FANCL: variants seen among roughly 807,000 people sequenced by gnomAD.
FANCL encodes the protein FA complementation group L.
In FANCL, 69 loss-of-function variants were observed where a neutral mutation model predicts 59.4. That is an observed-to-expected ratio of 1.16 (90% confidence interval 0.96 to 1.42). FANCL has a LOEUF of 1.42. Ranked by LOEUF, FANCL falls within the 40% of genes most tolerant of loss-of-function variation. The probability of loss-of-function intolerance (pLI) is 0.00; values close to 1 mark genes in which losing one functional copy is unlikely to be tolerated. For missense variants in FANCL, 519 were observed against 447.2 expected (o/e 1.16, Z -1.45); for synonymous variants, 180 against 147.1 (o/e 1.22, Z -1.62).
intron 7 of FANCL, among the ~76,000 whole-genome samples, chr2:58,198,139 G>A (rs1689623942): frequency 6.6e-6 from 1 of 151,622 alleles, no homozygotes; most frequent in Admixed American, 6.6e-5. Flanking sequence ...GACATTAACT[G>A]TAAGGAAATA....
chr2:58,206,052 T>C (rs1262948554), intron 5 of FANCL, among the ~76,000 whole-genome samples: 1 of 152,102 alleles, frequency 6.6e-6, no homozygotes, highest in Admixed American at 6.6e-5. Flanking sequence ...ATTTGACTAC[T>C]ACAATTTAAA....
chr2:58,169,563 G>C (rs919280700), intron 7 of FANCL, among the ~76,000 whole-genome samples: 2 of 152,056 alleles, frequency 1.3e-5, no homozygotes, highest in African/African-American at 4.8e-5. Context: ...TTGACAAACT[G>C]ACAGAAGTAG....
intron 5 of FANCL, among the ~76,000 whole-genome samples, chr2:58,213,113 G>A (rs1691344089): frequency 6.6e-6 from 1 of 152,120 alleles, no homozygotes; most frequent in Non-Finnish European, 1.5e-5. Flanking sequence ...AAATCTACAA[G>A]ATTATTATTT....
At chr2:58,161,065 T>G (rs762108335) in intron 12 of FANCL, among the ~76,000 whole-genome samples, 7 of 151,988 alleles carry the variant, frequency 4.6e-5, no homozygotes, top group Non-Finnish European at 1.0e-4. Flanking sequence ...CTTCTCAACA[T>G]GAAAAGTAGT....
At chr2:58,207,586 CTGAGGATTTACATTTCTCTTT>C (rs1470668838) in intron 5 of FANCL, among the ~76,000 whole-genome samples, 2 of 152,102 alleles carry the variant, frequency 1.3e-5, no homozygotes, top group Non-Finnish European at 1.5e-5. Context: ...GTTTCAACTA[CTGAGGATTTACATTTCTCTTT>C]GTTAATAGTG....
At chr2:58,182,268 A>C (rs1325701372) in intron 7 of FANCL, among the ~76,000 whole-genome samples, 1 of 151,834 alleles carries the variant, frequency 6.6e-6, no homozygotes, top group Non-Finnish European at 1.5e-5. Context: ...ATTCCTTTTT[A>C]ATTGATATTA....
At chr2:58,183,508 T>C (rs1455384658) in intron 7 of FANCL, among the ~76,000 whole-genome samples, 2 of 151,922 alleles carry the variant, frequency 1.3e-5, no homozygotes, top group Non-Finnish European at 2.9e-5. Context: ...CTATTGAATC[T>C]TTATCCATGC....
intron 7 of FANCL, 138 bp from the exon 8 acceptor site, chr2:58,166,012 C>G: frequency 1.3e-6 from 1 of 771,540 alleles, no homozygotes; most frequent in South Asian, 1.6e-5. Flanking sequence ...AAACAGTAGT[C>G]GACTCTCCCT....
intron 5 of FANCL, among the ~76,000 whole-genome samples, chr2:58,216,137 A>C (rs143660630): frequency 6.6e-5 from 10 of 152,160 alleles, no homozygotes; most frequent in African/African-American, 2.4e-4. Flanking sequence ...CCAGGGGGGA[A>C]ATCCCAATGA....
chr2:58,227,165 G>T (rs985302718), intron 3 of FANCL, among the ~76,000 whole-genome samples: 8 of 152,148 alleles, frequency 5.3e-5, no homozygotes, highest in African/African-American at 1.9e-4. Context: ...ATACAGACGG[G>T]CAGGCTGTGG....
chr2:58,229,507 T>C (rs1419905986), intron 3 of FANCL, among the ~76,000 whole-genome samples: 1 of 151,492 alleles, frequency 6.6e-6, no homozygotes, highest in African/African-American at 2.4e-5. Flanking sequence ...TGGGTCTGAT[T>C]TTTTTTCCCT....
intron 3 of FANCL, among the ~76,000 whole-genome samples, chr2:58,227,042 A>C (rs1303037357): frequency 6.6e-6 from 1 of 151,996 alleles, no homozygotes; most frequent in Non-Finnish European, 1.5e-5. Flanking sequence ...ACCTCACACT[A>C]CTCTGTTTCT....
At chr2:58,221,009 G>A (rs769566717) in intron 5 of FANCL, among the ~76,000 whole-genome samples, 77 of 151,772 alleles carry the variant, frequency 5.1e-4, no homozygotes, top group Non-Finnish European at 8.0e-4. Context: ...TCAGGAGATC[G>A]AGACCGATCC....
chr2:58,241,185 C>A (rs372961987), intron 1 of FANCL, 33 bp downstream of exon 1: 1 of 1,604,296 alleles, frequency 6.2e-7, no homozygotes, highest in South Asian at 1.1e-5. Flanking sequence ...GCAAGAGGCT[C>A]TCTTAGCTAG....
chr2:58,178,239 C>A (rs150954346), intron 7 of FANCL, among the ~76,000 whole-genome samples: 3 of 152,124 alleles, frequency 2.0e-5, no homozygotes, highest in Non-Finnish European at 2.9e-5. Flanking sequence ...TTTTATGAGG[C>A]CTGCATCATC....
intron 1 of FANCL, among the ~76,000 whole-genome samples, chr2:58,235,442 C>A (rs1004107787): frequency 1.3e-5 from 2 of 152,106 alleles, no homozygotes; most frequent in South Asian, 4.1e-4. Flanking sequence ...CTACCTTAGA[C>A]TAAAGTCTGC....
intron 7 of FANCL, among the ~76,000 whole-genome samples, chr2:58,191,697 ATG>A (rs1688937192): frequency 6.6e-6 from 1 of 151,890 alleles, no homozygotes; most frequent in Admixed American, 6.6e-5. Flanking sequence ...TCTGACAGAT[ATG>A]TGTGTATAAA....
At chr2:58,212,394 A>G (rs1328338684) in intron 5 of FANCL, among the ~76,000 whole-genome samples, 1 of 152,106 alleles carries the variant, frequency 6.6e-6, no homozygotes, top group Non-Finnish European at 1.5e-5. Flanking sequence ...TGGGAGTACA[A>G]CTCAAGATGA....
At chr2:58,186,970 G>A (rs1688462808) in intron 7 of FANCL, among the ~76,000 whole-genome samples, 1 of 152,164 alleles carries the variant, frequency 6.6e-6, no homozygotes, top group Middle Eastern at 3.2e-3. Flanking sequence ...GTTGGTGGGA[G>A]TGTGAACTAG....
Sources: gnomAD v4.1 joint callset for allele counts (sites outside exome capture counted in the v4.1 genomes callset) on GRCh38, gnomAD v4.1.1 for gene constraint, MANE v1.5 for transcripts, NCBI Gene and HGNC (gene_info 2026-07-23, HGNC 2026-07-21) for gene names.